ACOT1: variants seen among roughly 807,000 people sequenced by gnomAD.
ACOT1 encodes acyl-CoA thioesterase 1.
A neutral mutation model predicts 15.7 loss-of-function variants in ACOT1; 8 were observed. The observed-to-expected ratio is 0.51, with a 90% CI of 0.30 to 0.92. ACOT1 has a LOEUF of 0.92. Among genes scored for constraint, ACOT1 ranks in the 40% least tolerant of loss-of-function variants. The pLI, the probability that ACOT1 is intolerant of heterozygous loss-of-function variation, is 0.06. For synonymous variants in ACOT1, 67 were observed against 241.2 expected (o/e 0.28, Z 6.69); for missense variants, 151 against 539.4 (o/e 0.28, Z 7.13).
the ACOT1 span, chr14:73,514,371 T>G: frequency 1.4e-6 from 1 of 708,430 alleles, no homozygotes; most frequent in Non-Finnish European, 2.4e-6. Context: ...AATTTCCCCA[T>G]GATTATATGG....
chr14:73,509,543 C>T, the ACOT1 span: 1 of 1,554,562 alleles, frequency 6.4e-7, no homozygotes, highest in Non-Finnish European at 8.8e-7. Context: ...TTCCTTCCTA[C>T]AGCCATGTGG....
chr14:73,505,957 C>A, the ACOT1 span, among the ~76,000 whole-genome samples: 4 of 137,662 alleles, frequency 2.9e-5, no homozygotes, highest in Admixed American at 2.5e-4. Context: ...GTGGTGAGAT[C>A]TTGGTTCACT....
At chr14:73,519,165 T>C in the ACOT1 span, 1 of 1,610,612 alleles carries the variant, frequency 6.2e-7, no homozygotes, top group Admixed American at 1.7e-5. Context: ...GGACTTCATC[T>C]GTGAACAGAC....
the ACOT1 span, chr14:73,530,151 G>C: frequency 7.3e-6 from 1 of 136,748 alleles, no homozygotes; most frequent in African/African-American, 2.6e-5. Flanking sequence ...TTTTTTTGTA[G>C]AGACAGGGTC....
At position 73,541,668 on chromosome 14, in the gene ACOT1, T is replaced by C. The variant is rs371750964; in HGVS notation, c.633T>C (p.Ala211=). 2.6e-4 allele frequency: 327 copies of C among 1,243,016 alleles called. 94 individuals are homozygous for C. The South Asian group carries it at 2.8e-3, about 11-fold the overall frequency. The allele number at this position is 1,243,016 out of a possible 1,614,324, so 77.0% of individuals were successfully genotyped here. ...ETLHLEYFEE[A]VNYLLSHPEV... is the part of the protein sequence containing the mutation. ...TCCATCTGGAGTACTTTGAAGAAGC[T>C]GTGAACTACTTGCTCAGTCATCCTG... The change falls in exon 2 of 3, where the codon GCT becomes GCC. Residue 211 remains alanine, a synonymous_variant. Coordinates refer to ENST00000311148, the MANE Select transcript of ACOT1 (RefSeq NM_001037161.2).
the ACOT1 span, among the ~76,000 whole-genome samples, chr14:73,511,551 AT>A: frequency 1.5e-5 from 2 of 130,468 alleles, no homozygotes; most frequent in African/African-American, 5.5e-5. Context: ...AAATAAATAA[AT>A]AAATAAATAA....
At chr14:73,504,191 C>G in the ACOT1 span, among the ~76,000 whole-genome samples, 6 of 151,420 alleles carry the variant, frequency 4.0e-5, no homozygotes, top group Non-Finnish European at 7.4e-5. Context: ...GACTCTCCTG[C>G]CTGAGCCTCC....
chr14:73,528,552 TTGTC>T, the ACOT1 span, among the ~76,000 whole-genome samples: 1 of 152,154 alleles, frequency 6.6e-6, no homozygotes, highest in Non-Finnish European at 1.5e-5. Flanking sequence ...TGGCTTGTCT[TTGTC>T]TGCCTTGGAG....
At chr14:73,503,321 T>C in the ACOT1 span, among the ~76,000 whole-genome samples, 6 of 152,208 alleles carry the variant, frequency 3.9e-5, no homozygotes, top group African/African-American at 1.4e-4. Context: ...CAACATAACT[T>C]GTACCTGGGA....
rs1382310059 is a variant in ACOT1 at position 73,542,050 on chromosome 14, T to A, written c.660+355T>A. 4.4e-5 allele frequency among the ~76,000 whole-genome samples: 5 copies of A among 112,944 alleles called. 1 individual carries two copies. Among genetic ancestry groups the A allele is most frequent in the African/African-American group, 1.5e-4 (5 of 33,550 alleles). 74.1% of individuals were successfully genotyped at this position (112,944 alleles called of 152,430 possible). A position where few individuals can be genotyped will look rare whatever the true frequency, so the allele number is the denominator to read the frequency against. On this transcript the variant is annotated intron_variant, in intron 2 of 2. Transcript: ENST00000311148. The stretch of plus-strand genomic sequence containing the variant: ...TTTGTATTTTCAGTAGAGACGGGGT[T>A]TCACAATATTTGTCAGGCTGGTCTT...
the ACOT1 span, among the ~76,000 whole-genome samples, chr14:73,531,423 CT>C: frequency 9.4e-3 from 880 of 93,496 alleles, 150 homozygotes; most frequent in African/African-American, 0.025. Context: ...AGTTTTTCGT[CT>C]TTTTTTTTTT....
the ACOT1 span, chr14:73,491,929 C>G: frequency 6.2e-7 from 1 of 1,613,734 alleles, no homozygotes; most frequent in Non-Finnish European, 8.5e-7. Context: ...CGCAGGCTTT[C>G]TCTACTACTG....
chr14:73,524,170 T>C, the ACOT1 span, among the ~76,000 whole-genome samples: 83 of 150,980 alleles, frequency 5.5e-4, 2 homozygotes, highest in African/African-American at 2.0e-3. Flanking sequence ...CATGTGCCTG[T>C]AATCCCAGCT....
At chr14:73,492,291 G>T in the ACOT1 span, 1 of 1,614,006 alleles carries the variant, frequency 6.2e-7, no homozygotes, top group South Asian at 1.1e-5. The surrounding 1 kb of genome is among the most constrained non-coding windows in gnomAD (Gnocchi z 4.9). Flanking sequence ...ACGTACCAGC[G>T]CAATACCTGG....
intron 1 of ACOT1, 72 bp downstream of exon 1, chr14:73,537,950 TGTC>T: frequency 9.4e-7 from 1 of 1,067,918 alleles, no homozygotes; most frequent in Non-Finnish European, 1.2e-6. Context: ...TGTGTGTGTG[TGTC>T]CCCTTCGCCC....
the ACOT1 span, chr14:73,491,847 C>T: frequency 6.2e-7 from 1 of 1,609,552 alleles, no homozygotes; most frequent in South Asian, 1.1e-5. Context: ...ACCCTGAACC[C>T]ACCCGGCCGC....
At chr14:73,525,336 G>A in the ACOT1 span, among the ~76,000 whole-genome samples, 1 of 152,046 alleles carries the variant, frequency 6.6e-6, no homozygotes, top group Non-Finnish European at 1.5e-5. Context: ...CTCAGCAAAG[G>A]CTCAACTTTC....
the ACOT1 span, chr14:73,509,253 G>T: frequency 6.6e-7 from 1 of 1,509,210 alleles, no homozygotes; most frequent in South Asian, 1.1e-5. Context: ...GACTGGGAAA[G>T]CTGATAGTGA....
chr14:73,508,351 A>G, the ACOT1 span: 1 of 1,552,394 alleles, frequency 6.4e-7, no homozygotes, highest in South Asian at 1.1e-5. Context: ...CCCCTAGAGA[A>G]CAGCCTTTGG....
Sources: gnomAD v4.1 joint callset for allele counts (sites outside exome capture counted in the v4.1 genomes callset) on GRCh38, gnomAD v4.1.1 for gene constraint, Gnocchi (gnomAD v3.1) non-coding constraint, MANE v1.5 for transcripts, NCBI Gene and HGNC (gene_info 2026-07-23, HGNC 2026-07-21) for gene names.